Variants in BTBD17 observed in about 807,000 individuals in gnomAD.
BTBD17 encodes the protein BTB/POZ domain-containing protein 17.
In BTBD17, 26 loss-of-function variants were observed where a neutral mutation model predicts 36.9. The observed-to-expected ratio is 0.70, with a 90% CI of 0.52 to 0.98. The LOEUF (loss-of-function observed/expected upper bound fraction) is 0.98, where lower values mean the gene tolerates loss of function less well. BTBD17 is among the 50% of genes least tolerant of loss of function. The probability of loss-of-function intolerance (pLI) is 0.00; values close to 1 mark genes in which losing one functional copy is unlikely to be tolerated. For synonymous variants in BTBD17, 341 were observed against 338.0 expected (o/e 1.01, Z -0.10); for missense variants, 630 against 691.3 (o/e 0.91, Z 0.99).
At chr17:74,362,092 A>T (rs1190873529), upstream of BTBD17, 1 of 394,168 alleles carries the variant, frequency 2.5e-6, no homozygotes, top group South Asian at 3.2e-5. Flanking sequence ...TCCTCCCCCA[A>T]TCTCCTTACC....
intron 1 of BTBD17, among the ~76,000 whole-genome samples, chr17:74,360,589 A>G (rs2054931709): frequency 6.6e-6 from 1 of 152,138 alleles, no homozygotes; most frequent in Non-Finnish European, 1.5e-5. Context: ...GGGTTGAGGA[A>G]ACTCGTGGTC....
chr17:74,356,454 C>G lies in BTBD17; in HGVS notation c.*203G>C. On this transcript the variant is annotated 3_prime_UTR_variant, in exon 3 of 3. Transcript: ENST00000375366. This position sits in a 1 kb window ranked among gnomAD's most constrained non-coding sequence, Gnocchi z 4.3. ...GCATCGGTTTATTCAGGACCAAGAA[C>G]GTTCCTTCAAGTCAGCTGTGAAATC... The G allele has an allele frequency of 2.4e-6, 2 of 820,756 alleles. No individual in the cohort carries two copies. The highest frequency in any genetic ancestry group is 3.3e-6 in the Non-Finnish European group (2 of 602,932). The allele number at this position is 820,756 out of a possible 1,614,324, so 50.8% of individuals were successfully genotyped here. A position where few individuals can be genotyped will look rare whatever the true frequency, so the allele number is the denominator to read the frequency against.
chr17:74,358,176 C>T (rs1253580899), intron 2 of BTBD17, among the ~76,000 whole-genome samples: 1 of 151,986 alleles, frequency 6.6e-6, no homozygotes, highest in Non-Finnish European at 1.5e-5. Flanking sequence ...ACTGTGACAA[C>T]CAGAGGAGAA....
rs1387556872 is a variant in BTBD17, at chr17:74,357,299, C to G, written c.795G>C (p.Leu265=). The G allele has an allele frequency of 2.6e-6, 4 of 1,558,948 alleles. No individual in the cohort carries two copies. Among genetic ancestry groups the G allele is most frequent in the African/African-American group, 2.8e-5 (2 of 71,520 alleles). ...IRYPMIPPAQ[L]FQLQARSAAL... is the part of the protein sequence containing the mutation. ...CTGCCGAGCGCGCCTGCAGCTGGAA[C>G]AGCTGTGCCGGTGGGATCATGGGGT... Residue 265 remains leucine (L), a synonymous_variant, in exon 3 of 3, where the codon CTG becomes CTC. Coordinates refer to ENST00000375366, the MANE Select transcript of BTBD17 (RefSeq NM_001080466.2). This position sits in a 1 kb window ranked among gnomAD's most constrained non-coding sequence, Gnocchi z 8.4.
chr17:74,360,194 G>A lies in BTBD17; in HGVS notation c.137C>T (p.Ser46Phe), dbSNP rs1421201540. The A allele has an allele frequency of 4.3e-6, 7 of 1,611,426 alleles. No homozygotes were observed. The highest frequency in any genetic ancestry group is 5.9e-6 in the Non-Finnish European group (7 of 1,179,316). ...GEAAGTSINH[S>F]QAVLQRLQEL... is the part of the protein sequence containing the mutation. The stretch of plus-strand genomic sequence containing the variant: ...CTGCAAGCGCTGGAGCACCGCCTGG[G>A]AGTGGTTGATGGAGGTGCCAGCTGC... The change falls in exon 2 of 3, where the codon TCC (serine) becomes TTC (phenylalanine). Residue 46 changes from serine (S) to phenylalanine (F), a missense_variant. Physicochemically the swap from Ser to Phe is radical, Grantham distance 155. Transcript: ENST00000375366.
At chr17:74,361,091 G>T (rs144562448) in intron 1 of BTBD17, among the ~76,000 whole-genome samples, 8 of 152,354 alleles carry the variant, frequency 5.3e-5, no homozygotes, top group Admixed American at 1.3e-4. Flanking sequence ...AGTGCGAAGG[G>T]CCAGCTGGTG....
At chr17:74,363,081 C>A (rs2054950868), upstream of BTBD17, among the ~76,000 whole-genome samples, 1 of 151,978 alleles carries the variant, frequency 6.6e-6, no homozygotes, top group African/African-American at 2.4e-5. Context: ...GCTTGGCTAA[C>A]CGAAGTGGGT....
Position 74,361,780 on chromosome 17 carries a change from T to A in BTBD17, c.40A>T (p.Ser14Cys). 2.5e-6 allele frequency: 4 copies of A among 1,613,936 alleles called. No homozygotes were observed. Among genetic ancestry groups the A allele is most frequent in the Non-Finnish European group, 3.4e-6 (4 of 1,179,938 alleles). Residue 14 changes from serine (S) to cysteine (C), a missense_variant, in exon 1 of 3, where the codon AGC becomes TGC. Ser to Cys is a moderately radical substitution (Grantham distance 112, BLOSUM62 -1). Coordinates refer to ENST00000375366, the MANE Select transcript of BTBD17 (RefSeq NM_001080466.2). Reference protein sequence around the residue: ...RGYSKPGSWGSFWAMLTLVGL... With the variant: ...RGYSKPGSWGCFWAMLTLVGL... ...ACCAAGGTCAGCATGGCCCAGAAGCTGCCCCAGGACCCAGGCTTGGAGTAG... is the reference window on the plus strand; with the variant it reads ...ACCAAGGTCAGCATGGCCCAGAAGCAGCCCCAGGACCCAGGCTTGGAGTAG...
upstream of BTBD17, chr17:74,361,878 A>T: frequency 2.1e-6 from 3 of 1,406,572 alleles, no homozygotes; most frequent in South Asian, 3.6e-5. Context: ...CACTCTGCTC[A>T]CATCCCTCTT....
chr17:74,361,985 C>G, upstream of BTBD17: 1 of 586,746 alleles, frequency 1.7e-6, no homozygotes, highest in Non-Finnish European at 3.0e-6. Context: ...GAAACTGGCC[C>G]CAGCTGTTGC....
At chr17:74,361,664 G>C (rs1218490346) in intron 1 of BTBD17, 71 bp downstream of exon 1, 2 of 1,321,158 alleles carry the variant, frequency 1.5e-6, no homozygotes, top group Admixed American at 3.8e-5. Context: ...CTCCTGGCCG[G>C]CCGCGTGCAG....
chr17:74,362,550 C>G (rs1470870159), upstream of BTBD17, among the ~76,000 whole-genome samples: 1 of 152,182 alleles, frequency 6.6e-6, no homozygotes, highest in African/African-American at 2.4e-5. Flanking sequence ...AGCCAGGTGG[C>G]AGGGCTGGGC....
In BTBD17 at chr17:74,356,667, G is replaced by A. The variant is rs372913931; in HGVS notation, c.1427C>T (p.Thr476Ile). Residue 476 changes from threonine to isoleucine, a missense_variant, in exon 3 of 3, where the codon ACC (threonine) becomes ATC (isoleucine). Physicochemically the swap from Thr to Ile is moderately conservative, Grantham distance 89. Transcript: ENST00000375366. This position sits in a 1 kb window ranked among gnomAD's most constrained non-coding sequence, Gnocchi z 4.3. ...VKPVYHTLIR[T>I]PK The stretch of plus-strand genomic sequence containing the variant: ...TCCCAGACCCCGAGGCTACTTGGGG[G>A]TCCGGATAAGGGTGTGGTATACGGG... The A allele has an allele frequency of 1.3e-6, 2 of 1,535,680 alleles. No homozygotes were observed. The highest frequency in any genetic ancestry group is 1.8e-6 in the Non-Finnish European group (2 of 1,135,008).
At chr17:74,358,758 A>G (rs2054915695) in intron 2 of BTBD17, among the ~76,000 whole-genome samples, 4 of 151,906 alleles carry the variant, frequency 2.6e-5, no homozygotes, top group Admixed American at 2.6e-4. Context: ...TTGCCTCTAT[A>G]GGAGTGTGGC....
At position 74,357,790 on chromosome 17, in the gene BTBD17, AT is replaced by A; in HGVS notation, c.363-60del. 2.9e-6 allele frequency: 4 copies of A among 1,393,532 alleles called. No individual in the cohort carries two copies. In the South Asian group the frequency reaches 5.4e-5, roughly 19 times the overall value. The allele number at this position is 1,393,532 out of a possible 1,614,324, so 86.3% of individuals were successfully genotyped here. A position where few individuals can be genotyped will look rare whatever the true frequency, so the allele number is the denominator to read the frequency against. ...GGGCGGTACCCACCTCCCAGGATAG[AT>A]TTTTTAGAGTCCACAGGGGACCCGG... On this transcript the variant is annotated intron_variant, in intron 2 of 2. Transcript: ENST00000375366. This position sits in a 1 kb window ranked among gnomAD's most constrained non-coding sequence, Gnocchi z 8.4.
At chr17:74,362,074 C>T (rs919589224), upstream of BTBD17, 4 of 448,526 alleles carry the variant, frequency 8.9e-6, no homozygotes, top group South Asian at 2.8e-5. Context: ...GGAACAGATC[C>T]GGAACCCTCC....
rs2054901889 is a variant in BTBD17 at position 74,357,294 on chromosome 17, T to C, written c.800A>G (p.Gln267Arg). The C allele has an allele frequency of 1.3e-6, 2 of 1,557,320 alleles. No individual in the cohort carries two copies. Among genetic ancestry groups the C allele is most frequent in the Non-Finnish European group, 1.7e-6 (2 of 1,156,792 alleles). The change falls in exon 3 of 3, where the codon CAG becomes CGG. Residue 267 changes from glutamine to arginine, a missense_variant. Gln to Arg is a conservative substitution (Grantham distance 43). Coordinates refer to ENST00000375366, the MANE Select transcript of BTBD17 (RefSeq NM_001080466.2). The surrounding 1 kb of genome is among the most constrained non-coding windows in gnomAD (Gnocchi z 8.4). ...YPMIPPAQLF[Q>R]LQARSAALAR... is the part of the protein sequence containing the mutation. ...CAGGGCTGCCGAGCGCGCCTGCAGC[T>C]GGAACAGCTGTGCCGGTGGGATCAT... is the stretch of plus-strand genomic sequence containing the variant.
chr17:74,359,877 C>A, intron 2 of BTBD17, 92 bp downstream of exon 2: 1 of 1,358,412 alleles, frequency 7.4e-7, no homozygotes, highest in South Asian at 1.3e-5. Flanking sequence ...ACATAACAAC[C>A]TCTAAGGGCC....
intron 1 of BTBD17, 88 bp from the exon 2 acceptor site, chr17:74,360,333 T>C (rs2054929825): frequency 1.4e-6 from 2 of 1,393,096 alleles, no homozygotes; most frequent in African/African-American, 2.9e-5. Flanking sequence ...GCTGGAGACA[T>C]ATGCATGGGT....
Sources: allele counts gnomAD v4.1 joint callset (sites outside exome capture counted in the v4.1 genomes callset), GRCh38; gene constraint gnomAD v4.1.1; non-coding constraint Gnocchi (gnomAD v3.1); transcripts MANE v1.5; gene names NCBI Gene and HGNC (gene_info 2026-07-23, HGNC 2026-07-21).